NR3C2: variants seen among roughly 807,000 people sequenced by gnomAD.
NR3C2 encodes the protein mineralocorticoid receptor.
NR3C2 carries 15 observed loss-of-function variants against 86.4 expected under a neutral mutation model. That is an observed-to-expected ratio of 0.17 (90% CI 0.12 to 0.27). The LOEUF (loss-of-function observed/expected upper bound fraction) is 0.27. Among genes scored for constraint, NR3C2 ranks in the 10% least tolerant of loss-of-function variants. The probability of loss-of-function intolerance (pLI) is 1.00; values close to 1 mark genes in which losing one functional copy is unlikely to be tolerated. For synonymous variants in NR3C2, 458 were observed against 450.5 expected, an observed-to-expected ratio of 1.02 and a Z score of -0.21; for missense variants, 960 against 1,195.6, an observed-to-expected ratio of 0.80 and a Z score of 2.91.
intron 2 of NR3C2, among the ~76,000 whole-genome samples, chr4:148,373,580 T>C (rs1256533104): frequency 6.6e-6 from 1 of 151,148 alleles, no homozygotes; most frequent in Non-Finnish European, 1.5e-5. Flanking sequence ...GTTCAAGCGA[T>C]TATCCAGCCT....
chr4:148,146,475 C>G (rs543089928), intron 6 of NR3C2: 1 of 152,392 alleles, frequency 6.6e-6, no homozygotes, highest in Non-Finnish European at 1.5e-5. Context: ...CAGGATGGCC[C>G]GGGGAGAACT....
At chr4:148,334,677 C>A (rs1744395113) in intron 2 of NR3C2, among the ~76,000 whole-genome samples, 1 of 152,224 alleles carries the variant, frequency 6.6e-6, no homozygotes, top group Non-Finnish European at 1.5e-5. Flanking sequence ...AAAAAAGTGT[C>A]TGTAGCTATC....
intron 4 of NR3C2, among the ~76,000 whole-genome samples, chr4:148,190,638 G>C (rs371491911): frequency 1.3e-5 from 2 of 152,250 alleles, no homozygotes; most frequent in African/African-American, 4.8e-5. Context: ...GAGTATTGAC[G>C]TCTCCCACTA....
intron 4 of NR3C2, among the ~76,000 whole-genome samples, chr4:148,172,408 A>G (rs983154193): frequency 7.2e-5 from 11 of 152,204 alleles, no homozygotes; most frequent in African/African-American, 2.4e-4. Context: ...TTATCATTTA[A>G]GAAGTTGCCA....
At chr4:148,314,365 T>A (rs1182556855) in intron 2 of NR3C2, among the ~76,000 whole-genome samples, 5 of 152,160 alleles carry the variant, frequency 3.3e-5, no homozygotes. Flanking sequence ...TAACTATGCT[T>A]AAAATATTAG....
intron 3 of NR3C2, among the ~76,000 whole-genome samples, chr4:148,257,564 T>C (rs926044118): frequency 6.6e-6 from 1 of 152,138 alleles, no homozygotes; most frequent in Admixed American, 6.6e-5. Context: ...AATGTCTTCA[T>C]CTAGAAAAGG....
Position 148,436,043 on chromosome 4 carries a change from G to A in NR3C2, c.818C>T (p.Ser273Phe), listed in dbSNP as rs1207378151. 1 of 1,614,088 alleles carries A rather than the reference G, an allele frequency of 6.2e-7. No homozygotes were observed. The highest frequency in any genetic ancestry group is 2.2e-5 in the East Asian group (1 of 44,902). Residue 273 changes from serine to phenylalanine, a missense_variant, in exon 2 of 9, where the codon TCC becomes TTC. Around this residue, in one of 4 missense-constraint regions of NR3C2, gnomAD observed 680 missense variants for 719.0 expected, o/e 0.95. Transcript: ENST00000358102. Reference sequence around the variant, plus strand: ...TACACTGCAGTGACTTGGAGGGCTGGAAATTGAGGATTTCATGCTACTTAA... The same window carrying A: ...TACACTGCAGTGACTTGGAGGGCTGAAAATTGAGGATTTCATGCTACTTAA... ...SPLSSMKSSI[S>F]SPPSHCSVKS...
intron 2 of NR3C2, among the ~76,000 whole-genome samples, chr4:148,338,018 T>C (rs910147883): frequency 2.6e-5 from 4 of 152,206 alleles, no homozygotes; most frequent in Non-Finnish European, 5.9e-5. Flanking sequence ...TACCTAAGTT[T>C]TTCCCTATTT....
intron 1 of NR3C2, among the ~76,000 whole-genome samples, chr4:148,438,055 A>C (rs1750162404): frequency 6.6e-6 from 1 of 152,230 alleles, no homozygotes; most frequent in East Asian, 1.9e-4. Context: ...TTATCCAAAT[A>C]ATACAAGTGT....
chr4:148,186,984 GTGTGTATGTA>G (rs148141461), intron 4 of NR3C2, among the ~76,000 whole-genome samples: 6,172 of 37,280 alleles, frequency 0.17, 867 homozygotes, highest in African/African-American at 0.24. Context: ...TCATACTGAT[GTGTGTATGTA>G]TGTATATATA....
intron 2 of NR3C2, among the ~76,000 whole-genome samples, chr4:148,358,392 A>T (rs1396292572): frequency 6.8e-6 from 1 of 146,756 alleles, no homozygotes; most frequent in East Asian, 2.0e-4. Context: ...AACACCGCAT[A>T]TTCTCACTCA....
At chr4:148,129,336 A>T (rs1254452795) in intron 6 of NR3C2, among the ~76,000 whole-genome samples, 12 of 152,224 alleles carry the variant, frequency 7.9e-5, no homozygotes. Context: ...AGAAACAGTA[A>T]GTAAAACGGT....
intron 2 of NR3C2, among the ~76,000 whole-genome samples, chr4:148,334,296 G>A (rs12647673): frequency 0.65 from 99,024 of 152,166 alleles, 33,754 homozygotes; most frequent in Non-Finnish European, 0.75. Flanking sequence ...TAATCCCAAC[G>A]CTTTGGGAGG....
At chr4:148,334,576 A>G (rs1744389962) in intron 2 of NR3C2, among the ~76,000 whole-genome samples, 1 of 152,182 alleles carries the variant, frequency 6.6e-6, no homozygotes, top group East Asian at 1.9e-4. Flanking sequence ...ACTTACACAA[A>G]TGAGGAAGTA....
At chr4:148,296,985 C>T (rs1334272318) in intron 2 of NR3C2, among the ~76,000 whole-genome samples, 1 of 152,166 alleles carries the variant, frequency 6.6e-6, no homozygotes, top group Non-Finnish European at 1.5e-5. Flanking sequence ...ACTAGCAATA[C>T]TTTTTTTAAG....
At chr4:148,170,291 G>A (rs1735064093) in intron 4 of NR3C2, among the ~76,000 whole-genome samples, 1 of 152,164 alleles carries the variant, frequency 6.6e-6, no homozygotes, top group African/African-American at 2.4e-5. Context: ...AGCAAGAATA[G>A]TGAACTAGAA....
intron 3 of NR3C2, among the ~76,000 whole-genome samples, chr4:148,206,551 TCA>T (rs1261072059): frequency 5.9e-5 from 9 of 152,222 alleles, no homozygotes; most frequent in African/African-American, 2.2e-4. Context: ...ATAACAAATT[TCA>T]GTCTGTTTGA....
At chr4:148,082,752 C>T (rs1158263907) in intron 8 of NR3C2, among the ~76,000 whole-genome samples, 2 of 150,804 alleles carry the variant, frequency 1.3e-5, no homozygotes, top group Non-Finnish European at 2.9e-5. Context: ...GGGCCGAAGC[C>T]AAGGAGCCAA....
At chr4:148,239,860 C>T (rs898298771) in intron 3 of NR3C2, among the ~76,000 whole-genome samples, 11 of 151,946 alleles carry the variant, frequency 7.2e-5, no homozygotes, top group Non-Finnish European at 1.5e-4. Flanking sequence ...TGGTTTTCCT[C>T]GGTGGTCAAA....
Sources: allele counts gnomAD v4.1 joint callset (sites outside exome capture counted in the v4.1 genomes callset), GRCh38; gene constraint gnomAD v4.1.1; regional missense constraint gnomAD v4.1.1; transcripts MANE v1.5; gene names NCBI Gene and HGNC (gene_info 2026-07-23, HGNC 2026-07-21).